LRRC39: variants seen among roughly 807,000 people sequenced by gnomAD.
LRRC39 encodes leucine rich repeat containing 39.
LRRC39 carries 35 observed loss-of-function variants against 39.7 expected under a neutral mutation model. The ratio of observed to expected loss-of-function variants is 0.88; its 90% CI spans 0.67 to 1.17. LRRC39 has a LOEUF of 1.17. Among genes scored for constraint, LRRC39 ranks in the 50% most tolerant of loss-of-function variants. The probability of loss-of-function intolerance (pLI) is 0.00; values close to 1 mark genes in which losing one functional copy is unlikely to be tolerated. For missense variants in LRRC39, 357 were observed against 385.8 expected, an observed-to-expected ratio of 0.93 and a Z score of 0.62; for synonymous variants, 113 against 134.1, an observed-to-expected ratio of 0.84 and a Z score of 1.09.
At chr1:100,170,449 A>C (rs1275999376) in intron 2 of LRRC39, among the ~76,000 whole-genome samples, 1 of 152,196 alleles carries the variant, frequency 6.6e-6, no homozygotes, top group African/African-American at 2.4e-5. Flanking sequence ...AAATCTGTAG[A>C]TTCAAAAAGT....
chr1:100,162,648 A>G (rs1235690084), intron 3 of LRRC39, among the ~76,000 whole-genome samples: 1 of 152,178 alleles, frequency 6.6e-6, no homozygotes, highest in Non-Finnish European at 1.5e-5. Context: ...CAGAAAAAAA[A>G]AAAGAAAGAA....
chr1:100,156,962 G>A (rs932164839), intron 6 of LRRC39, among the ~76,000 whole-genome samples: 4 of 151,938 alleles, frequency 2.6e-5, no homozygotes, highest in Non-Finnish European at 5.9e-5. Context: ...TCCAACCTAG[G>A]CAAAAGGTGA....
rs1217789010 is a variant in LRRC39, at chr1:100,158,358, G to A, written c.386C>T (p.Thr129Ile). The A allele has an allele frequency of 1.2e-6, 2 of 1,612,428 alleles. No individual in the cohort carries two copies. The highest frequency in any genetic ancestry group is 1.7e-5 in the Admixed American group (1 of 59,982). ...GCTGAGAATCAGTTCCTGAAGTCTAGTAAGCAGTCCTATAAAAAATAATAT... is the reference window on the plus strand; with the variant it reads ...GCTGAGAATCAGTTCCTGAAGTCTAATAAGCAGTCCTATAAAAAATAATAT... Reference protein sequence around the residue: ...SEIPPGIGLLTRLQELILSYN... With the variant: ...SEIPPGIGLLIRLQELILSYN... The change falls in exon 6 of 10, where the codon ACT becomes ATT. Residue 129 changes from threonine to isoleucine, a missense_variant. Physicochemically the swap from Thr to Ile is moderately conservative, Grantham distance 89. Transcript: ENST00000370137.
intron 9 of LRRC39, chr1:100,150,452 CA>C (rs1557920332): frequency 6.6e-6 from 1 of 152,154 alleles, no homozygotes; most frequent in African/African-American, 2.4e-5. Flanking sequence ...TGTTTTGCAT[CA>C]TTCAACAATT....
intron 3 of LRRC39, among the ~76,000 whole-genome samples, chr1:100,162,498 G>A (rs1277256835): frequency 1.3e-5 from 2 of 152,000 alleles, no homozygotes; most frequent in African/African-American, 2.4e-5. Context: ...AATTAGCTGG[G>A]TGTGGTGATG....
rs767113250 is a variant in LRRC39 at position 100,148,854 on chromosome 1, C to A, written c.*188G>T. The A allele has an allele frequency of 1.4e-5, 18 of 1,323,836 alleles. No homozygotes were observed. Among genetic ancestry groups the A allele is most frequent in the Non-Finnish European group, 1.8e-5 (18 of 1,022,912 alleles). 82.0% of individuals were successfully genotyped at this position (1,323,836 alleles called of 1,614,324 possible). On this transcript the variant is annotated 3_prime_UTR_variant, in exon 10 of 10. Transcript: ENST00000370137. Reference sequence around the variant, plus strand: ...AAATTTGAGCATCATCTGTCTTCCACCAAAAAAAATTTTTTAATTATATTT... The same window carrying A: ...AAATTTGAGCATCATCTGTCTTCCAACAAAAAAAATTTTTTAATTATATTT...
At chr1:100,160,383 T>C in intron 4 of LRRC39, 83 bp downstream of exon 4, 1 of 992,638 alleles carries the variant, frequency 1.0e-6, no homozygotes, top group Non-Finnish European at 1.5e-6. Flanking sequence ...ATTCTAGTCT[T>C]AATTACACAG....
chr1:100,177,498 C>T (rs544349123), intron 1 of LRRC39, among the ~76,000 whole-genome samples: 37 of 152,164 alleles, frequency 2.4e-4, no homozygotes, highest in Non-Finnish European at 4.3e-4. Context: ...TACTCAGGAA[C>T]AGAATGCGAG....
At position 100,156,292 on chromosome 1, in the gene LRRC39, T is replaced by C; in HGVS notation, c.539A>G (p.His180Arg). Reference protein sequence around the residue: ...QELSNLLKLTHLDLSMNDFTT... With the variant: ...QELSNLLKLTRLDLSMNDFTT... Reference sequence around the variant, plus strand: ...AAAATCGTTCATACTCAGATCAAGGTGAGTAAGTTTTAGCAGATTGCTGAG... The same window carrying C: ...AAAATCGTTCATACTCAGATCAAGGCGAGTAAGTTTTAGCAGATTGCTGAG... Residue 180 changes from histidine to arginine, a missense_variant, in exon 7 of 10, where the codon CAC (histidine) becomes CGC (arginine). Physicochemically the swap from His to Arg is conservative, Grantham distance 29. Transcript: ENST00000370137. The C allele has an allele frequency of 1.2e-6, 2 of 1,610,916 alleles. No homozygotes were observed. The highest frequency in any genetic ancestry group is 1.7e-6 in the Non-Finnish European group (2 of 1,177,980).
intron 2 of LRRC39, among the ~76,000 whole-genome samples, chr1:100,171,573 G>C (rs868369908): frequency 6.7e-6 from 1 of 149,680 alleles, no homozygotes; most frequent in South Asian, 2.1e-4. Context: ...CGTGATCTCG[G>C]CTCACTGCAG....
intron 2 of LRRC39, among the ~76,000 whole-genome samples, chr1:100,172,647 A>T (rs1005088836): frequency 6.7e-6 from 1 of 149,226 alleles, no homozygotes; most frequent in African/African-American, 2.5e-5. Flanking sequence ...ACACAGTGAA[A>T]CCCCGTCTCT....
chr1:100,162,602 T>A (rs1430704803), intron 3 of LRRC39, among the ~76,000 whole-genome samples: 1 of 151,304 alleles, frequency 6.6e-6, no homozygotes, highest in Non-Finnish European at 1.5e-5. Flanking sequence ...TGCACCACTT[T>A]ACTCCAGCCT....
intron 4 of LRRC39, 24 bp from the exon 5 acceptor site, chr1:100,159,439 G>A: frequency 6.4e-7 from 1 of 1,553,174 alleles, no homozygotes; most frequent in Non-Finnish European, 8.7e-7. Flanking sequence ...AATGATGGTT[G>A]TTGTATATTA....
Position 100,168,444 on chromosome 1 carries a change from G to A in LRRC39, c.73C>T (p.Leu25Phe), listed in dbSNP as rs374193936. 1 of 1,612,150 alleles carries A rather than the reference G, an allele frequency of 6.2e-7. No individual in the cohort carries two copies. The highest frequency in any genetic ancestry group is 2.2e-5 in the East Asian group (1 of 44,690). The change falls in exon 3 of 10, where the codon CTC (leucine) becomes TTC (phenylalanine). Residue 25 changes from leucine to phenylalanine, a missense_variant. By Grantham distance (22) the Leu-to-Phe change is conservative. Transcript: ENST00000370137. ...KEVWEKRIKK[L>F]NEDLKREKEF... ...TTCTCTCGCTTCAGGTCTTCATTGA[G>A]TTTCTTTATTCTTTTTTCCCAAACT...
chr1:100,160,505 A>G lies in LRRC39; in HGVS notation c.180T>C (p.Asp60=), dbSNP rs756913885. ...TKLREKVTRE[D]GRVILKIEKE... ...TTTCTATCTTCAAAATGACTCTTCC[A>G]TCTTCCCTGGTGACCTTTTCTCTTA... Residue 60 remains aspartate, a synonymous_variant, in exon 4 of 10, where the codon GAT becomes GAC. Coordinates refer to ENST00000370137, the MANE Select transcript of LRRC39 (RefSeq NM_144620.4). The G allele has an allele frequency of 1.9e-6, 3 of 1,613,922 alleles. No individual in the cohort carries two copies. The highest frequency in any genetic ancestry group is 1.7e-5 in the Admixed American group (1 of 59,982).
intron 6 of LRRC39, among the ~76,000 whole-genome samples, chr1:100,157,662 C>G (rs1658566139): frequency 6.6e-6 from 1 of 152,136 alleles, no homozygotes; most frequent in Non-Finnish European, 1.5e-5. Flanking sequence ...AGGGAATAGC[C>G]TATTTTATTA....
intron 3 of LRRC39, among the ~76,000 whole-genome samples, chr1:100,162,071 C>T (rs1304824307): frequency 6.6e-6 from 1 of 152,118 alleles, no homozygotes; most frequent in African/African-American, 2.4e-5. Context: ...TATTGTCCCT[C>T]TTTTTTATTA....
At chr1:100,172,356 A>C (rs1486627719) in intron 2 of LRRC39, among the ~76,000 whole-genome samples, 1 of 152,192 alleles carries the variant, frequency 6.6e-6, no homozygotes, top group African/African-American at 2.4e-5. Flanking sequence ...AAAGTCCTAA[A>C]CCATATACTG....
chr1:100,172,537 A>G (rs2101797518), intron 2 of LRRC39, among the ~76,000 whole-genome samples: 1 of 150,502 alleles, frequency 6.6e-6, no homozygotes, highest in African/African-American at 2.4e-5. Context: ...AAAAATACAA[A>G]AAAGGCCAGG....
Sources: gnomAD v4.1 joint callset for allele counts (sites outside exome capture counted in the v4.1 genomes callset) on GRCh38, gnomAD v4.1.1 for gene constraint, MANE v1.5 for transcripts, NCBI Gene and HGNC (gene_info 2026-07-23, HGNC 2026-07-21) for gene names.